The following PCDHGA2 variants were observed in gnomAD, a reference collection of about 807,000 sequenced individuals.
PCDHGA2 encodes the protein protocadherin gamma subfamily A, 2.
In PCDHGA2, 40 loss-of-function variants were observed where a neutral mutation model predicts 59.2. That is an observed-to-expected ratio of 0.68 (90% CI 0.52 to 0.88). The LOEUF is 0.88. PCDHGA2 is among the 40% of genes least tolerant of loss of function. The pLI is 0.00. For synonymous variants in PCDHGA2, 560 were observed against 526.0 expected (o/e 1.06, Z -0.89); for missense variants, 1,226 against 1,204.0 (o/e 1.02, Z -0.27).
chr5:141,349,194 C>G (rs138459537), intron 1 of PCDHGA2, among the ~76,000 whole-genome samples: 1 of 151,982 alleles, frequency 6.6e-6, no homozygotes, highest in African/African-American at 2.4e-5. Flanking sequence ...CTCAACCTCC[C>G]GAGTAGCTGG....
intron 1 of PCDHGA2, chr5:141,404,365 C>A: frequency 6.2e-7 from 1 of 1,613,936 alleles, no homozygotes; most frequent in South Asian, 1.1e-5. Context: ...GTACTTCCAT[C>A]TTCTCCGTGA....
chr5:141,469,103 C>A (rs949254605), intron 1 of PCDHGA2, among the ~76,000 whole-genome samples: 2 of 151,844 alleles, frequency 1.3e-5, no homozygotes, highest in African/African-American at 2.4e-5. Context: ...AAAGCAAGAA[C>A]CTGTCTCTAA....
chr5:141,354,034 C>T (rs907415407), intron 1 of PCDHGA2, among the ~76,000 whole-genome samples: 6 of 152,120 alleles, frequency 3.9e-5, no homozygotes, highest in African/African-American at 1.2e-4. Flanking sequence ...AGAAAGAAAG[C>T]GATGGCACAT....
rs1321974739 is a variant in PCDHGA2, at chr5:141,432,755, G to A, written c.2425-62052G>A. The A allele has an allele frequency of 2.5e-6, 4 of 1,614,134 alleles. No individual in the cohort carries two copies. Among genetic ancestry groups the A allele is most frequent in the African/African-American group, 1.3e-5 (1 of 75,060 alleles). On this transcript the variant is annotated intron_variant, in intron 1 of 3. Coordinates refer to ENST00000394576, the MANE Select transcript of PCDHGA2 (RefSeq NM_018915.4). This position sits in a 1 kb window ranked among gnomAD's most constrained non-coding sequence, Gnocchi z 6.0. ...TGTCACGCTCACCGTGGCCGTGGCC[G>A]ACAGCATCCCCCAAGTCCTGGCGGA...
At position 141,345,401 on chromosome 5, in the gene PCDHGA2, C is replaced by G. The variant is rs761724367; in HGVS notation, c.2424+4006C>G. On this transcript the variant is annotated intron_variant, in intron 1 of 3. Coordinates refer to ENST00000394576, the MANE Select transcript of PCDHGA2 (RefSeq NM_018915.4). ...ACCCACCCACCTTCCCTCATTTATC[C>G]TACTCCGCCTACATTCCAGAAAACA... is the stretch of plus-strand genomic sequence containing the variant. 1.5e-5 allele frequency: 24 copies of G among 1,614,016 alleles called. No individual in the cohort carries two copies. In the East Asian group the frequency reaches 4.7e-4, roughly 31 times the overall value.
intron 1 of PCDHGA2, chr5:141,403,036 C>T: frequency 1.9e-6 from 3 of 1,614,080 alleles, no homozygotes; most frequent in Non-Finnish European, 2.5e-6. Context: ...AGGCCAGGGC[C>T]AGTCAGATTC....
chr5:141,410,553 C>T, intron 1 of PCDHGA2: 1 of 1,613,232 alleles, frequency 6.2e-7, no homozygotes. Context: ...TGCAGTGTTT[C>T]TCCTGGAGCC....
In PCDHGA2 at chr5:141,365,535, A is replaced by G. The variant is rs1042184144; in HGVS notation, c.2424+24140A>G. 3.1e-6 allele frequency: 5 copies of G among 1,613,822 alleles called. No individual in the cohort carries two copies. Among genetic ancestry groups the G allele is most frequent in the Non-Finnish European group, 4.2e-6 (5 of 1,179,884 alleles). On this transcript the variant is annotated intron_variant, in intron 1 of 3. Transcript: ENST00000394576. ...TTGGAGAAGTCAGTTGATAATTACTATCACCTATTAACAACTAGGGACCTG... is the reference window on the plus strand; with the variant it reads ...TTGGAGAAGTCAGTTGATAATTACTGTCACCTATTAACAACTAGGGACCTG...
chr5:141,476,317 G>T lies in PCDHGA2; in HGVS notation c.2425-18490G>T, dbSNP rs759809060. ...GTAGCCTCTCAGCCCGCAGGTTCCG[G>T]GTGGTGTCTGGAGCTAGCCGAAGAT... On this transcript the variant is annotated intron_variant, in intron 1 of 3. Transcript: ENST00000394576. This position sits in a 1 kb window ranked among gnomAD's most constrained non-coding sequence, Gnocchi z 7.6. 1.9e-6 allele frequency: 3 copies of T among 1,614,170 alleles called. No individual in the cohort carries two copies. The highest frequency in any genetic ancestry group is 1.7e-5 in the Admixed American group (1 of 60,024).
chr5:141,466,552 G>C lies in PCDHGA2; in HGVS notation c.2425-28255G>C, dbSNP rs913019489. On this transcript the variant is annotated intron_variant, in intron 1 of 3. Coordinates refer to ENST00000394576, the MANE Select transcript of PCDHGA2 (RefSeq NM_018915.4). ...ATTGATGTAGATGGTCTTTTGCTGTGGGCTTCATCTTCAACATTGTCTCAT... is the reference window on the plus strand; with the variant it reads ...ATTGATGTAGATGGTCTTTTGCTGTCGGCTTCATCTTCAACATTGTCTCAT... 2.6e-5 allele frequency among the ~76,000 whole-genome samples: 4 copies of C among 152,144 alleles called. No homozygotes were observed. The South Asian group carries it at 8.3e-4, about 32-fold the overall frequency.
At chr5:141,383,946 G>A (rs1023403145) in intron 1 of PCDHGA2, 3 of 1,613,696 alleles carry the variant, frequency 1.9e-6, no homozygotes, top group Non-Finnish European at 2.5e-6. Flanking sequence ...AAGTGACTAT[G>A]ACGTCTTTAA....
chr5:141,431,420 G>A lies in PCDHGA2; in HGVS notation c.2425-63387G>A, dbSNP rs780266425. ...TACGGCCTCCGACGGGGGCGACCCG[G>A]TGCGCACAGGCACCGCGCGCATCCG... On this transcript the variant is annotated intron_variant, in intron 1 of 3. Coordinates refer to ENST00000394576, the MANE Select transcript of PCDHGA2 (RefSeq NM_018915.4). The surrounding 1 kb of genome is among the most constrained non-coding windows in gnomAD (Gnocchi z 4.8). 5 of 1,613,592 alleles carry A rather than the reference G, an allele frequency of 3.1e-6. No homozygotes were observed. The highest frequency in any genetic ancestry group is 3.4e-6 in the Non-Finnish European group (4 of 1,180,050).
chr5:141,454,908 C>T (rs1370482009), intron 1 of PCDHGA2, among the ~76,000 whole-genome samples: 3 of 145,392 alleles, frequency 2.1e-5, no homozygotes, highest in Non-Finnish European at 4.5e-5. Context: ...CCCGGGTTCA[C>T]GCCATTCTCC....
Position 141,491,260 on chromosome 5 carries a change from A to G in PCDHGA2, c.2425-3547A>G. On this transcript the variant is annotated intron_variant, in intron 1 of 3. Coordinates refer to ENST00000394576, the MANE Select transcript of PCDHGA2 (RefSeq NM_018915.4). This position sits in a 1 kb window ranked among gnomAD's most constrained non-coding sequence, Gnocchi z 6.9. ...TCTGGAGGATGAGGACCCTGAGGAA[A>G]TGCCCAAATCCAGTGACTTCCTCAT... 6.2e-7 allele frequency: 1 copy of G among 1,614,108 alleles called. No individual in the cohort carries two copies. The highest frequency in any genetic ancestry group is 1.7e-5 in the Admixed American group (1 of 60,028).
At chr5:141,418,549 C>A in intron 1 of PCDHGA2, 1 of 1,614,024 alleles carries the variant, frequency 6.2e-7, no homozygotes, top group Non-Finnish European at 8.5e-7. Context: ...AGATAAGAAT[C>A]CTGGTAATAG....
intron 1 of PCDHGA2, among the ~76,000 whole-genome samples, chr5:141,446,536 GC>G (rs1043723006): frequency 2.0e-5 from 3 of 152,012 alleles, no homozygotes; most frequent in African/African-American, 7.2e-5. Context: ...GAGTGCAGTG[GC>G]CCTATCTCTG....
chr5:141,371,287 C>T, intron 1 of PCDHGA2: 2 of 1,613,928 alleles, frequency 1.2e-6, no homozygotes, highest in South Asian at 1.1e-5. Flanking sequence ...GACAGTAAAA[C>T]GGGGGAACTC....
chr5:141,447,849 G>A (rs2154561912), intron 1 of PCDHGA2, among the ~76,000 whole-genome samples: 1 of 152,306 alleles, frequency 6.6e-6, no homozygotes, highest in East Asian at 1.9e-4. Context: ...GCTTTGGGAG[G>A]CCGAGGTGGG....
rs1216200329 is a variant in PCDHGA2, at chr5:141,491,485, C to G, written c.2425-3322C>G. ...CTTCTATAAGCAGTCCAGCCCCAAC[C>G]TGCAGGTGAGCTCGGACGGCACGCT... On this transcript the variant is annotated intron_variant, in intron 1 of 3. Coordinates refer to ENST00000394576, the MANE Select transcript of PCDHGA2 (RefSeq NM_018915.4). This position sits in a 1 kb window ranked among gnomAD's most constrained non-coding sequence, Gnocchi z 6.9. 6.2e-7 allele frequency: 1 copy of G among 1,614,148 alleles called. No individual in the cohort carries two copies. The highest frequency in any genetic ancestry group is 1.3e-5 in the African/African-American group (1 of 75,064).
Sources: allele counts gnomAD v4.1 joint callset (sites outside exome capture counted in the v4.1 genomes callset), GRCh38; gene constraint gnomAD v4.1.1; non-coding constraint Gnocchi (gnomAD v3.1); transcripts MANE v1.5; gene names NCBI Gene and HGNC (gene_info 2026-07-23, HGNC 2026-07-21).